Variants in GALNT11 observed in about 807,000 individuals in gnomAD.
The protein encoded by GALNT11 is UDP-GalNAc:polypeptide N-acetylgalactosaminyltransferase 11.
In GALNT11, 47 loss-of-function variants were observed where a neutral mutation model predicts 72.7. The observed-to-expected ratio is 0.65, with a 90% CI of 0.51 to 0.82. The LOEUF (loss-of-function observed/expected upper bound fraction) is 0.82, where lower values mean the gene tolerates loss of function less well. Ranked by LOEUF, GALNT11 falls within the 40% of genes least tolerant of loss-of-function variation. The pLI is 0.00. For missense variants in GALNT11, 677 were observed against 778.4 expected, an observed-to-expected ratio of 0.87 and a Z score of 1.55; for synonymous variants, 270 against 286.6, an observed-to-expected ratio of 0.94 and a Z score of 0.58.
intron 1 of GALNT11, among the ~76,000 whole-genome samples, chr7:152,042,136 T>C (rs1167854235): frequency 6.6e-6 from 1 of 152,262 alleles, no homozygotes; most frequent in Non-Finnish European, 1.5e-5. Context: ...TGAAAACGTT[T>C]AGCAGGCTTA....
intron 1 of GALNT11, among the ~76,000 whole-genome samples, chr7:152,058,628 G>A (rs1202546179): frequency 2.6e-5 from 4 of 152,282 alleles, no homozygotes; most frequent in African/African-American, 9.6e-5. Flanking sequence ...GAGCCACTGT[G>A]CCTGGCCAAG....
intron 1 of GALNT11, among the ~76,000 whole-genome samples, chr7:152,052,151 T>C (rs2083436099): frequency 6.6e-6 from 1 of 152,218 alleles, no homozygotes; most frequent in African/African-American, 2.4e-5. Context: ...ACATAATGTT[T>C]TCAAGATTCA....
At chr7:152,106,554 T>G (rs2087578335) in intron 5 of GALNT11, among the ~76,000 whole-genome samples, 1 of 152,228 alleles carries the variant, frequency 6.6e-6, no homozygotes, top group Non-Finnish European at 1.5e-5. Context: ...ATGTAAAAAC[T>G]TACTGAATTG....
intron 1 of GALNT11, among the ~76,000 whole-genome samples, chr7:152,046,401 T>C (rs907324664): frequency 4.6e-5 from 7 of 152,150 alleles, no homozygotes; most frequent in Admixed American, 6.5e-5. Flanking sequence ...AAATGAAGCA[T>C]TGGGAGTCTT....
intron 1 of GALNT11, among the ~76,000 whole-genome samples, chr7:152,047,326 C>T (rs2083179476): frequency 6.6e-6 from 1 of 151,980 alleles, no homozygotes; most frequent in African/African-American, 2.4e-5. Context: ...CAAAAATTAG[C>T]TGGGTGTGGT....
chr7:152,026,563 C>G (rs140862428), intron 1 of GALNT11, among the ~76,000 whole-genome samples: 2 of 152,360 alleles, frequency 1.3e-5, no homozygotes, highest in South Asian at 4.1e-4. Flanking sequence ...CATCCTTCTG[C>G]TCACCTGAGA....
intron 10 of GALNT11, 39 bp downstream of exon 10, chr7:152,118,821 G>A (rs1216562067): frequency 2.5e-5 from 39 of 1,548,638 alleles, no homozygotes; most frequent in Non-Finnish European, 3.1e-5. Context: ...GTGTCCGCAA[G>A]GAGGCTTCCA....
In GALNT11 at chr7:152,094,406, C is replaced by G; in HGVS notation, c.179C>G (p.Thr60Ser). Residue 60 changes from threonine to serine, a missense_variant, in exon 2 of 12, where the codon ACT becomes AGT. Physicochemically the swap from Thr to Ser is moderately conservative, Grantham distance 58 (BLOSUM62 1). Coordinates refer to ENST00000430044, the MANE Select transcript of GALNT11 (RefSeq NM_022087.4). The surrounding 1 kb of genome is among the most constrained non-coding windows in gnomAD (Gnocchi z 4.3). ...PSPKKFYPRF[T>S]RGPSRVLEPQ... ...CCAAAAAAATTCTATCCCCGTTTCACTCGAGGCCCAAGTCGAGTGCTCGAG... is the reference window on the plus strand; with the variant it reads ...CCAAAAAAATTCTATCCCCGTTTCAGTCGAGGCCCAAGTCGAGTGCTCGAG... 6.2e-7 allele frequency: 1 copy of G among 1,614,180 alleles called. No homozygotes were observed. The highest frequency in any genetic ancestry group is 8.5e-7 in the Non-Finnish European group (1 of 1,180,036).
rs144359068 is a variant in GALNT11 at position 152,033,434 on chromosome 7, C to T, written c.-39+7550C>T. On this transcript the variant is annotated intron_variant, in intron 1 of 11. Coordinates refer to ENST00000430044, the MANE Select transcript of GALNT11 (RefSeq NM_022087.4). ...TCCTCTTGGTCCCTATTATAGAACA[C>T]CAAGGTTGCCAGGTTTAATAATGCC... 7.4e-3 allele frequency among the ~76,000 whole-genome samples: 1,132 copies of T among 152,268 alleles called. 16 individuals are homozygous for T. Among genetic ancestry groups the T allele is most frequent in the African/African-American group, 0.026 (1,092 of 41,536 alleles).
At chr7:152,118,630 C>A (rs368993462) in intron 9 of GALNT11, 48 bp from the exon 10 acceptor site, 2 of 1,547,234 alleles carry the variant, frequency 1.3e-6, no homozygotes, top group Non-Finnish European at 1.8e-6. Context: ...GCTTGGGAGG[C>A]GTCTCTGGGA....
intron 1 of GALNT11, among the ~76,000 whole-genome samples, chr7:152,056,826 T>C (rs1397031737): frequency 1.3e-5 from 2 of 151,660 alleles, no homozygotes; most frequent in African/African-American, 4.8e-5. Context: ...AACGGTAGTT[T>C]GTTGGGTCAG....
At chr7:152,065,572 T>G (rs557899709) in intron 1 of GALNT11, among the ~76,000 whole-genome samples, 1 of 152,334 alleles carries the variant, frequency 6.6e-6, no homozygotes, top group African/African-American at 2.4e-5. Flanking sequence ...CTTTGTGGTT[T>G]TATCTACCTA....
rs1409120872 is a variant in GALNT11, at chr7:152,117,295, T to C, written c.1372T>C (p.Ser458Pro). Residue 458 changes from serine to proline, a missense_variant, in exon 9 of 12, where the codon TCT (serine) becomes CCT (proline). By Grantham distance (74) the Ser-to-Pro change is moderately conservative. Coordinates refer to ENST00000430044, the MANE Select transcript of GALNT11 (RefSeq NM_022087.4). Reference sequence around the variant, plus strand: ...TAATGTATACCCAGAGATGCAGATATCTGGGTCCCACGCCAAACCCCAACA... The same window carrying C: ...TAATGTATACCCAGAGATGCAGATACCTGGGTCCCACGCCAAACCCCAACA... The part of the protein sequence containing the change: ...LDNVYPEMQI[S>P]GSHAKPQQPI... 1.9e-6 allele frequency: 3 copies of C among 1,614,078 alleles called. No individual in the cohort carries two copies. Among genetic ancestry groups the C allele is most frequent in the East Asian group, 4.5e-5 (2 of 44,900 alleles).
chr7:152,090,647 C>T (rs181148292), intron 1 of GALNT11, among the ~76,000 whole-genome samples: 1,593 of 138,706 alleles, frequency 0.011, 26 homozygotes, highest in African/African-American at 0.042. Context: ...TATTCCCCCA[C>T]CCCCCCACCC....
intron 2 of GALNT11, among the ~76,000 whole-genome samples, chr7:152,100,448 C>T (rs2086783235): frequency 6.6e-6 from 1 of 151,938 alleles, no homozygotes; most frequent in Non-Finnish European, 1.5e-5. Context: ...TGCCTGTAAT[C>T]CCAGCTACTC....
chr7:152,067,702 TA>T (rs2084389117), intron 1 of GALNT11, among the ~76,000 whole-genome samples: 1 of 152,206 alleles, frequency 6.6e-6, no homozygotes, highest in African/African-American at 2.4e-5. Context: ...GGTCCTTTTT[TA>T]TTGGAGAATG....
In GALNT11 at chr7:152,051,199, G is replaced by GTT. The variant is rs35668155; in HGVS notation, c.-39+25341_-39+25342dup. Among the ~76,000 whole-genome samples the GTT allele has an allele frequency of 7.9e-4, 37 of 46,824 alleles. 3 individuals are homozygous for GTT. The highest frequency in any genetic ancestry group is 7.1e-3 in the East Asian group (13 of 1,836). 30.7% of individuals were successfully genotyped at this position (46,824 alleles called of 152,430 possible). ...TTTCCTCCTAGAATTATATCTGGTTGTTTTTTTTTTTTTTTTTTTTTTTTT... is the reference window on the plus strand; with the variant it reads ...TTTCCTCCTAGAATTATATCTGGTTGTTTTTTTTTTTTTTTTTTTTTTTTTTT... On this transcript the variant is annotated intron_variant, in intron 1 of 11. Coordinates refer to ENST00000430044, the MANE Select transcript of GALNT11 (RefSeq NM_022087.4).
At chr7:152,105,482 T>G in intron 5 of GALNT11, 112 bp downstream of exon 5, 2 of 1,450,490 alleles carry the variant, frequency 1.4e-6, no homozygotes, top group Non-Finnish European at 1.8e-6. Flanking sequence ...AAACGGACAT[T>G]GCCAGCAGGA....
intron 1 of GALNT11, among the ~76,000 whole-genome samples, chr7:152,032,481 C>G (rs2082349895): frequency 6.6e-6 from 1 of 152,202 alleles, no homozygotes. Context: ...AGTCTAAGAT[C>G]TTGCACTAGA....
Sources: allele counts gnomAD v4.1 joint callset (sites outside exome capture counted in the v4.1 genomes callset), GRCh38; gene constraint gnomAD v4.1.1; non-coding constraint Gnocchi (gnomAD v3.1); transcripts MANE v1.5; gene names NCBI Gene and HGNC (gene_info 2026-07-23, HGNC 2026-07-21).